The following ADAMTS17 variants were observed in gnomAD, a reference collection of about 807,000 sequenced individuals.
ADAMTS17 encodes A disintegrin and metalloproteinase with thrombospondin motifs 17.
In ADAMTS17, 113 loss-of-function variants were observed where a neutral mutation model predicts 141.5. That is an observed-to-expected ratio of 0.80 (90% confidence interval 0.69 to 0.93). The LOEUF is 0.93. Ranked by LOEUF, ADAMTS17 falls within the 40% of genes least tolerant of loss-of-function variation. The pLI is 0.00. For missense variants in ADAMTS17, 1,659 were observed against 1,517.9 expected, an observed-to-expected ratio of 1.09 and a Z score of -1.54; for synonymous variants, 768 against 630.6, an observed-to-expected ratio of 1.22 and a Z score of -3.27.
At chr15:100,309,092 T>C (rs2045321325) in intron 3 of ADAMTS17, among the ~76,000 whole-genome samples, 1 of 152,214 alleles carries the variant, frequency 6.6e-6, no homozygotes, top group Non-Finnish European at 1.5e-5. Flanking sequence ...CCAGGGGCAA[T>C]GGCTCAAGCC....
At chr15:100,317,013 A>T (rs1238074919) in intron 3 of ADAMTS17, among the ~76,000 whole-genome samples, 1 of 152,152 alleles carries the variant, frequency 6.6e-6, no homozygotes, top group Non-Finnish European at 1.5e-5. Context: ...AACAGCAATC[A>T]TCATAGTTTT....
At chr15:100,087,626 A>G (rs917948951) in intron 15 of ADAMTS17, among the ~76,000 whole-genome samples, 1 of 152,194 alleles carries the variant, frequency 6.6e-6, no homozygotes, top group Non-Finnish European at 1.5e-5. Flanking sequence ...AGCACATCAA[A>G]AAGCTTATGC....
At chr15:100,191,805 A>G (rs1011659448) in intron 8 of ADAMTS17, among the ~76,000 whole-genome samples, 4 of 152,140 alleles carry the variant, frequency 2.6e-5, no homozygotes, top group African/African-American at 9.7e-5. Context: ...GGGAGGAAGC[A>G]AGAAATCAGG....
intron 7 of ADAMTS17, among the ~76,000 whole-genome samples, chr15:100,253,216 CT>C (rs1321003551): frequency 6.6e-6 from 1 of 151,198 alleles, no homozygotes; most frequent in Admixed American, 6.6e-5. Flanking sequence ...TGGAAACACC[CT>C]TGGCATTGTG....
At chr15:100,057,845 G>A (rs75776092) in intron 15 of ADAMTS17, among the ~76,000 whole-genome samples, 2,861 of 152,204 alleles carry the variant, frequency 0.019, 98 homozygotes, top group African/African-American at 0.063. Context: ...AGTGCGGAGA[G>A]AAACCGTTTC....
At chr15:99,994,378 G>A (rs1219119968) in intron 19 of ADAMTS17, among the ~76,000 whole-genome samples, 1 of 151,538 alleles carries the variant, frequency 6.6e-6, no homozygotes, top group Non-Finnish European at 1.5e-5. Context: ...AGCACTTTGG[G>A]AGGCTGAGGT....
chr15:100,262,304 G>A (rs763720765), intron 5 of ADAMTS17, 48 bp downstream of exon 5: 5 of 1,557,458 alleles, frequency 3.2e-6, no homozygotes, highest in Non-Finnish European at 4.4e-6. Flanking sequence ...AGAAGCTCCA[G>A]CCCAGCCACA....
intron 2 of ADAMTS17, 58 bp downstream of exon 2, chr15:100,340,981 G>T: frequency 1.4e-6 from 2 of 1,470,996 alleles, no homozygotes; most frequent in African/African-American, 1.4e-5. Flanking sequence ...CCTCCACGGC[G>T]ACCACTCTGC....
chr15:100,040,782 A>T (rs146053979), intron 18 of ADAMTS17, among the ~76,000 whole-genome samples: 1 of 152,292 alleles, frequency 6.6e-6, no homozygotes, highest in East Asian at 1.9e-4. Flanking sequence ...CATTTAATTT[A>T]AAGACAGGTG....
chr15:100,166,122 G>A lies in ADAMTS17; in HGVS notation c.1182-10802C>T, dbSNP rs10162899. Reference sequence around the variant, plus strand: ...TGAATGACCTTGGCAAATGTTTTTAGTTTGCATCATGACGGTCTTACATTT... The same window carrying A: ...TGAATGACCTTGGCAAATGTTTTTAATTTGCATCATGACGGTCTTACATTT... On this transcript the variant is annotated intron_variant, in intron 8 of 21. Transcript: ENST00000268070. Among the ~76,000 whole-genome samples the A allele has an allele frequency of 8.0e-3, 1,215 of 152,188 alleles. 21 individuals are homozygous for A. The highest frequency in any genetic ancestry group is 0.028 in the African/African-American group (1,148 of 41,520).
intron 13 of ADAMTS17, among the ~76,000 whole-genome samples, chr15:100,114,176 A>T (rs538295817): frequency 0.038 from 5,330 of 140,046 alleles, 110 homozygotes; most frequent in African/African-American, 0.05. Context: ...TTTTTTTTTT[A>T]AAAAAAGGAA....
chr15:100,300,773 C>T (rs1365593908), intron 3 of ADAMTS17, among the ~76,000 whole-genome samples: 2 of 152,194 alleles, frequency 1.3e-5, no homozygotes, highest in African/African-American at 4.8e-5. Flanking sequence ...TTGTCCACAC[C>T]CTGGCCTCTG....
intron 20 of ADAMTS17, among the ~76,000 whole-genome samples, chr15:99,985,474 TAA>T (rs57781681): frequency 0.11 from 16,366 of 152,142 alleles, 2,720 homozygotes; most frequent in African/African-American, 0.36. Context: ...CCTAGAGAGA[TAA>T]GAGATTTACA....
In ADAMTS17 at chr15:99,976,053, G is replaced by C. The variant is rs1462108167; in HGVS notation, c.3119C>G (p.Pro1040Arg). The C allele has an allele frequency of 6.4e-6, 10 of 1,550,668 alleles. No individual in the cohort carries two copies. The Admixed American group carries it at 1.4e-4, about 21-fold the overall frequency. Residue 1040 changes from proline (P) to arginine (R), a missense_variant, in exon 21 of 22, where the codon CCC becomes CGC. Physicochemically the swap from Pro to Arg is moderately radical, Grantham distance 103. Transcript: ENST00000268070. ...DRINANTITS[P>R]RLAALTYKCT... The stretch of plus-strand genomic sequence containing the variant: ...CCAGTGAAGACACTCACCAAGGCGG[G>C]GGGAGGTGATGGTGTTGGCGTTGAT...
intron 15 of ADAMTS17, among the ~76,000 whole-genome samples, chr15:100,071,108 A>G (rs1460031968): frequency 6.6e-6 from 1 of 150,448 alleles, no homozygotes; most frequent in East Asian, 1.9e-4. Flanking sequence ...GAGATACCAT[A>G]AACACCTCTA....
At chr15:100,010,701 G>A (rs2061148144) in intron 18 of ADAMTS17, among the ~76,000 whole-genome samples, 1 of 152,218 alleles carries the variant, frequency 6.6e-6, no homozygotes, top group Admixed American at 6.5e-5. Context: ...CATGTGCCAT[G>A]CATAGTCCTG....
At chr15:100,266,088 G>A (rs1238839818) in intron 4 of ADAMTS17, among the ~76,000 whole-genome samples, 1 of 152,166 alleles carries the variant, frequency 6.6e-6, no homozygotes, top group Non-Finnish European at 1.5e-5. Flanking sequence ...GAACTTGCCT[G>A]GAACAGCTCA....
intron 15 of ADAMTS17, among the ~76,000 whole-genome samples, chr15:100,094,941 T>G (rs912482420): frequency 2.0e-5 from 3 of 152,236 alleles, no homozygotes; most frequent in South Asian, 2.1e-4. Flanking sequence ...TCTGGAATGC[T>G]GGGAATATTG....
chr15:100,308,546 A>G (rs79118922), intron 3 of ADAMTS17, among the ~76,000 whole-genome samples: 11,152 of 152,266 alleles, frequency 0.073, 453 homozygotes, highest in African/African-American at 0.11. Flanking sequence ...TTCCCTTTTT[A>G]GGTAGTTACT....
Sources: gnomAD v4.1 joint callset for allele counts (sites outside exome capture counted in the v4.1 genomes callset) on GRCh38, gnomAD v4.1.1 for gene constraint, MANE v1.5 for transcripts, NCBI Gene and HGNC (gene_info 2026-07-23, HGNC 2026-07-21) for gene names.